Variants in THSD7A observed in about 807,000 individuals in gnomAD.
The protein encoded by THSD7A is thrombospondin type-1 domain-containing protein 7A.
THSD7A carries 96 observed loss-of-function variants against 231.3 expected under a neutral mutation model. That is an observed-to-expected ratio of 0.41 (90% confidence interval 0.35 to 0.49). THSD7A has a LOEUF of 0.49. Ranked by LOEUF, THSD7A falls within the 20% of genes least tolerant of loss-of-function variation. The probability of loss-of-function intolerance (pLI) is 0.05; values close to 1 mark genes in which losing one functional copy is unlikely to be tolerated. For missense variants in THSD7A, 2,290 were observed against 2,070.2 expected (o/e 1.11, Z -2.06); for synonymous variants, 940 against 743.3 (o/e 1.26, Z -4.30).
rs184518824 is a variant in THSD7A at position 11,673,152 on chromosome 7, C to G, written c.191-36191G>C. Among the ~76,000 whole-genome samples the G allele has an allele frequency of 1.2e-3, 184 of 152,206 alleles. 1 individual carries two copies. Among genetic ancestry groups the G allele is most frequent in the African/African-American group, 4.2e-3 (176 of 41,544 alleles). ...AGAGGGAGGAAGCATGGCAGCCTGC[C>G]TGGAGTCACTGAGCACCTGGACTGG... On this transcript the variant is annotated intron_variant, in intron 1 of 27. Transcript: ENST00000423059.
intron 4 of THSD7A, among the ~76,000 whole-genome samples, chr7:11,581,955 T>C (rs953234342): frequency 6.6e-6 from 1 of 152,122 alleles, no homozygotes; most frequent in Admixed American, 6.5e-5. Context: ...GACTCAATAG[T>C]CCACACTCTT....
chr7:11,817,169 A>G (rs961536009), intron 1 of THSD7A, among the ~76,000 whole-genome samples: 1 of 152,202 alleles, frequency 6.6e-6, no homozygotes, highest in Non-Finnish European at 1.5e-5. Context: ...ACACACACAC[A>G]TAATGCATTT....
At chr7:11,722,804 G>T (rs149524622) in intron 1 of THSD7A, among the ~76,000 whole-genome samples, 2 of 151,788 alleles carry the variant, frequency 1.3e-5, no homozygotes, top group African/African-American at 2.4e-5. Flanking sequence ...TTAGAATGGC[G>T]ATCATTAAAA....
intron 1 of THSD7A, among the ~76,000 whole-genome samples, chr7:11,775,481 G>A (rs1783372574): frequency 6.6e-6 from 1 of 152,008 alleles, no homozygotes; most frequent in African/African-American, 2.4e-5. Context: ...AACAAAACGT[G>A]GTATGTACAT....
chr7:11,758,834 C>T (rs1275004536), intron 1 of THSD7A, among the ~76,000 whole-genome samples: 1 of 152,046 alleles, frequency 6.6e-6, no homozygotes, highest in Non-Finnish European at 1.5e-5. Context: ...TCTGTTGCAA[C>T]CACTCAATTC....
chr7:11,423,535 A>G (rs1229822848), intron 16 of THSD7A, among the ~76,000 whole-genome samples: 1 of 151,750 alleles, frequency 6.6e-6, no homozygotes, highest in African/African-American at 2.4e-5. Flanking sequence ...CGCCCAGCTA[A>G]TTTTTTGTAT....
At chr7:11,436,511 A>G (rs1784637669) in intron 13 of THSD7A, among the ~76,000 whole-genome samples, 1 of 151,958 alleles carries the variant, frequency 6.6e-6, no homozygotes, top group South Asian at 2.1e-4. Context: ...ACAAACTATG[A>G]CTCTCTGAGA....
chr7:11,667,116 G>A (rs908419528), intron 1 of THSD7A, among the ~76,000 whole-genome samples: 9 of 151,930 alleles, frequency 5.9e-5, no homozygotes, highest in East Asian at 1.9e-4. Context: ...GGATAAGTTC[G>A]TTAGTGGTGA....
intron 1 of THSD7A, among the ~76,000 whole-genome samples, chr7:11,828,064 C>T (rs1362471253): frequency 1.3e-5 from 2 of 152,206 alleles, no homozygotes; most frequent in Non-Finnish European, 2.9e-5. Flanking sequence ...TCTCAGTCAA[C>T]GACTCACGTC....
chr7:11,775,451 T>C (rs1443881836), intron 1 of THSD7A, among the ~76,000 whole-genome samples: 4 of 152,212 alleles, frequency 2.6e-5, no homozygotes, highest in African/African-American at 9.7e-5. Context: ...CATGTGTTCA[T>C]TGATGAATAA....
intron 4 of THSD7A, among the ~76,000 whole-genome samples, chr7:11,563,816 T>C (rs978141110): frequency 2.6e-5 from 4 of 152,242 alleles, no homozygotes. Context: ...CATGAATTGA[T>C]AGCCATTATT....
chr7:11,524,999 T>A (rs891914675), intron 6 of THSD7A, among the ~76,000 whole-genome samples: 1 of 152,260 alleles, frequency 6.6e-6, no homozygotes, highest in Non-Finnish European at 1.5e-5. Flanking sequence ...ACACTTTCAC[T>A]TTCTGTGGAT....
rs1052294780 is a variant in THSD7A at position 11,681,617 on chromosome 7, G to A, written c.191-44656C>T. Among the ~76,000 whole-genome samples, 11 of 152,064 alleles carry A rather than the reference G, an allele frequency of 7.2e-5. No homozygotes were observed. The East Asian group carries it at 2.1e-3, about 30-fold the overall frequency. ...TCTGAGAACTATGGGATGATGCAAA[G>A]AGAACAAACCTACGACTCACTGACA... On this transcript the variant is annotated intron_variant, in intron 1 of 27. Transcript: ENST00000423059.
chr7:11,515,638 T>C (rs1788000391), intron 6 of THSD7A, among the ~76,000 whole-genome samples: 1 of 152,124 alleles, frequency 6.6e-6, no homozygotes, highest in African/African-American at 2.4e-5. Context: ...GCTACAGAGA[T>C]CTTTTATATA....
At chr7:11,432,366 A>G (rs941916429) in intron 13 of THSD7A, among the ~76,000 whole-genome samples, 4 of 152,088 alleles carry the variant, frequency 2.6e-5, no homozygotes, top group African/African-American at 7.2e-5. Context: ...TAAACTTCGT[A>G]TTGTAGTCTT....
In THSD7A at chr7:11,486,722, T is replaced by C. The variant is rs186709821; in HGVS notation, c.1823-4740A>G. On this transcript the variant is annotated intron_variant, in intron 6 of 27. Transcript: ENST00000423059. ...GTATTCATATTAAATATACTATCTTTTTTGGCATACATTTACAAACATAAA... is the reference window on the plus strand; with the variant it reads ...GTATTCATATTAAATATACTATCTTCTTTGGCATACATTTACAAACATAAA... 9.8e-5 allele frequency among the ~76,000 whole-genome samples: 15 copies of C among 152,334 alleles called. No individual in the cohort carries two copies. In the East Asian group the frequency reaches 2.7e-3, roughly 27 times the overall value.
intron 1 of THSD7A, among the ~76,000 whole-genome samples, chr7:11,684,619 G>A (rs1238472741): frequency 2.0e-5 from 3 of 151,788 alleles, no homozygotes; most frequent in Non-Finnish European, 4.4e-5. Context: ...AATCAAGAAT[G>A]CAATCCCATT....
intron 6 of THSD7A, among the ~76,000 whole-genome samples, chr7:11,489,879 G>A (rs905187543): frequency 6.6e-6 from 1 of 151,534 alleles, no homozygotes; most frequent in African/African-American, 2.4e-5. Flanking sequence ...TTATCTTTAG[G>A]TTTCTCTTTT....
rs533614786 is a variant in THSD7A at position 11,828,261 on chromosome 7, A to C, written c.190+3496T>G. Among the ~76,000 whole-genome samples, 6 of 152,314 alleles carry C rather than the reference A, an allele frequency of 3.9e-5. No individual in the cohort carries two copies. In the East Asian group the frequency reaches 1.2e-3, roughly 29 times the overall value. ...ATTGGCATGAAATCTTTTCATTGCT[A>C]TCCCACATCCTGGGCTTGAGGTGCT... On this transcript the variant is annotated intron_variant, in intron 1 of 27. Transcript: ENST00000423059.
Sources: allele counts gnomAD v4.1 joint callset (sites outside exome capture counted in the v4.1 genomes callset), GRCh38; gene constraint gnomAD v4.1.1; transcripts MANE v1.5; gene names NCBI Gene and HGNC (gene_info 2026-07-23, HGNC 2026-07-21).